Variants in ANKRD44 observed in about 807,000 individuals in gnomAD.
The protein encoded by ANKRD44 is ankyrin repeat domain 44.
Under a neutral mutation model 116.0 loss-of-function variants are expected in ANKRD44, and 35 were observed. The observed-to-expected ratio is 0.30, with a 90% CI of 0.23 to 0.40. The LOEUF is 0.40. ANKRD44 is among the 10% of genes least tolerant of loss of function. The pLI, the probability that ANKRD44 is intolerant of heterozygous loss-of-function variation, is 1.00. For missense variants in ANKRD44, 1,014 were observed against 1,242.6 expected (o/e 0.82, Z 2.77); for synonymous variants, 435 against 461.8 (o/e 0.94, Z 0.74).
intron 9 of ANKRD44, among the ~76,000 whole-genome samples, chr2:197,102,942 G>A (rs1439121684): frequency 1.3e-5 from 2 of 152,004 alleles, no homozygotes; most frequent in Admixed American, 1.3e-4. Context: ...AAAAAATTTG[G>A]GGGGTGGCGG....
At chr2:196,984,414 G>A (rs1233183983), downstream of ANKRD44, among the ~76,000 whole-genome samples, 12 of 152,190 alleles carry the variant, frequency 7.9e-5, no homozygotes, top group Admixed American at 5.2e-4. Flanking sequence ...TACAGCAAAT[G>A]TACCTTCAGG....
intron 1 of ANKRD44, among the ~76,000 whole-genome samples, chr2:197,244,470 T>C (rs1303017860): frequency 1.3e-5 from 2 of 152,190 alleles, no homozygotes; most frequent in Admixed American, 6.5e-5. Flanking sequence ...CACCCAAACA[T>C]CCATTTACAG....
At chr2:196,982,305 A>G (rs952266293), downstream of ANKRD44, among the ~76,000 whole-genome samples, 4 of 151,942 alleles carry the variant, frequency 2.6e-5, no homozygotes, top group Non-Finnish European at 4.4e-5. Context: ...GTTTTCAAAG[A>G]AAGTTAATTG....
intron 16 of ANKRD44, among the ~76,000 whole-genome samples, chr2:197,063,445 T>G (rs1250495636): frequency 1.3e-5 from 2 of 152,182 alleles, no homozygotes; most frequent in Non-Finnish European, 2.9e-5. Context: ...AGAACAAAGC[T>G]GGACGGAGAA....
chr2:197,058,684 G>A (rs1156311632), intron 16 of ANKRD44, among the ~76,000 whole-genome samples: 1 of 152,130 alleles, frequency 6.6e-6, no homozygotes, highest in Non-Finnish European at 1.5e-5. Flanking sequence ...AGATAAAAAG[G>A]AAGCAGGTCT....
At chr2:197,112,525 C>A (rs909914256) in intron 8 of ANKRD44, among the ~76,000 whole-genome samples, 3 of 151,756 alleles carry the variant, frequency 2.0e-5, no homozygotes, top group Non-Finnish European at 2.9e-5. Context: ...TTGGCTAGCA[C>A]GGTGAAACCC....
At chr2:197,088,832 G>T in intron 11 of ANKRD44, 58 bp from the exon 12 acceptor site, 1 of 1,566,604 alleles carries the variant, frequency 6.4e-7, no homozygotes, top group Non-Finnish European at 8.7e-7. Flanking sequence ...TTTTGTCCTA[G>T]TTAAACCACA....
At chr2:197,040,376 CTTTT>C (rs56405646) in intron 16 of ANKRD44, among the ~76,000 whole-genome samples, 1 of 122,686 alleles carries the variant, frequency 8.2e-6, no homozygotes, top group Non-Finnish European at 1.6e-5. Context: ...GGAGGTAAGC[CTTTT>C]TTTTTTTTTT....
intron 16 of ANKRD44, among the ~76,000 whole-genome samples, chr2:197,048,478 C>T (rs1055649808): frequency 6.6e-6 from 1 of 152,046 alleles, no homozygotes; most frequent in Non-Finnish European, 1.5e-5. Context: ...CTGAGAATGA[C>T]GGTTTCCAGC....
At chr2:197,159,102 A>G (rs2079894417) in intron 2 of ANKRD44, among the ~76,000 whole-genome samples, 1 of 152,368 alleles carries the variant, frequency 6.6e-6, no homozygotes, top group South Asian at 2.1e-4. Context: ...GGATATAACA[A>G]TAACTCCTAG....
At chr2:197,023,371 G>A (rs559449108) in intron 17 of ANKRD44, among the ~76,000 whole-genome samples, 1 of 152,254 alleles carries the variant, frequency 6.6e-6, no homozygotes, top group African/African-American at 2.4e-5. Context: ...CTTACAGGTG[G>A]GGAAACCATG....
intron 18 of ANKRD44, among the ~76,000 whole-genome samples, chr2:197,011,073 T>A (rs1330140832): frequency 6.6e-6 from 1 of 152,202 alleles, no homozygotes; most frequent in Non-Finnish European, 1.5e-5. Context: ...GTACAGGTAA[T>A]ATGTCGTTGC....
chr2:197,307,582 C>T (rs1392208344), intron 1 of ANKRD44, among the ~76,000 whole-genome samples: 1 of 148,444 alleles, frequency 6.7e-6, no homozygotes, highest in African/African-American at 2.5e-5. Context: ...AAAAATTACA[C>T]TGGTCTCTCC....
chr2:197,133,636 C>T (rs2579389), intron 4 of ANKRD44, among the ~76,000 whole-genome samples: 141,592 of 152,288 alleles, frequency 0.93, 66,115 homozygotes, highest in East Asian at 1. Flanking sequence ...ATCTAAAGAA[C>T]AGACCTGTGC....
intron 16 of ANKRD44, among the ~76,000 whole-genome samples, chr2:197,031,854 T>G (rs918344565): frequency 1.3e-5 from 2 of 152,142 alleles, no homozygotes; most frequent in Non-Finnish European, 2.9e-5. Flanking sequence ...GTAAATGTAA[T>G]TTTAACTTCA....
At chr2:196,998,793 T>G in intron 24 of ANKRD44, 114 bp downstream of exon 24, 1 of 1,419,044 alleles carries the variant, frequency 7.0e-7, no homozygotes, top group Non-Finnish European at 9.5e-7. Context: ...TAAGTAAAAC[T>G]GCTAATGGCC....
chr2:197,213,364 A>G (rs1485062514), intron 1 of ANKRD44, among the ~76,000 whole-genome samples: 1 of 152,202 alleles, frequency 6.6e-6, no homozygotes, highest in African/African-American at 2.4e-5. Context: ...TTTCAAAATA[A>G]TATCTACGAG....
intron 1 of ANKRD44, among the ~76,000 whole-genome samples, chr2:197,217,002 CA>C (rs1423896255): frequency 2.6e-5 from 4 of 152,076 alleles, no homozygotes; most frequent in African/African-American, 4.8e-5. Flanking sequence ...GGCTGATCTG[CA>C]AAAGCTCCCA....
chr2:197,167,467 CTAGACCATCTATCT>C (rs1401464621), intron 2 of ANKRD44, among the ~76,000 whole-genome samples: 1 of 152,180 alleles, frequency 6.6e-6, no homozygotes, highest in Non-Finnish European at 1.5e-5. Flanking sequence ...TATCTAAGAG[CTAGACCATCTATCT>C]TAGATGGGTA....
Sources: gnomAD v4.1 joint callset for allele counts (sites outside exome capture counted in the v4.1 genomes callset) on GRCh38, gnomAD v4.1.1 for gene constraint, MANE v1.5 for transcripts, NCBI Gene and HGNC (gene_info 2026-07-23, HGNC 2026-07-21) for gene names.